The following RBMS3 variants were observed in gnomAD, a reference collection of about 807,000 sequenced individuals.
The protein encoded by RBMS3 is RNA binding motif single stranded interacting protein 3, also known as RNA-binding motif, single-stranded-interacting protein 3.
Under a neutral mutation model 66.8 loss-of-function variants are expected in RBMS3, and 27 were observed. That is an observed-to-expected ratio of 0.40 (90% CI 0.30 to 0.56). The LOEUF (loss-of-function observed/expected upper bound fraction) is 0.56, where lower values mean the gene tolerates loss of function less well. RBMS3 is among the 20% of genes least tolerant of loss of function. The pLI, the probability that RBMS3 is intolerant of heterozygous loss-of-function variation, is 0.40. For synonymous variants in RBMS3, 188 were observed against 183.0 expected (o/e 1.03, Z -0.22); for missense variants, 513 against 549.5 (o/e 0.93, Z 0.66).
intron 1 of RBMS3, among the ~76,000 whole-genome samples, chr3:29,325,474 G>A (rs78317600): frequency 0.13 from 20,303 of 151,592 alleles, 1,439 homozygotes; most frequent in Middle Eastern, 0.16. Flanking sequence ...GTAAGATTCA[G>A]TTGAAAGAAA....
chr3:29,321,749 A>AT (rs1234982830), intron 1 of RBMS3, among the ~76,000 whole-genome samples: 2 of 152,210 alleles, frequency 1.3e-5, no homozygotes, highest in East Asian at 3.9e-4. Context: ...AATGAAAGCA[A>AT]TTTGTACATC....
intron 2 of RBMS3, among the ~76,000 whole-genome samples, chr3:29,483,309 C>CAAAAAAAAAAAA (rs72225547): frequency 1.3e-5 from 1 of 75,584 alleles, no homozygotes; most frequent in African/African-American, 3.9e-5. Context: ...TTCGTCTTAA[C>CAAAAAAAAAAAA]AAAAAAAAAA....
intron 3 of RBMS3, among the ~76,000 whole-genome samples, chr3:29,538,237 T>C (rs2045643051): frequency 6.6e-6 from 1 of 152,222 alleles, no homozygotes; most frequent in Non-Finnish European, 1.5e-5. Flanking sequence ...ATCAAGCACA[T>C]AAACACATTT....
intron 12 of RBMS3, among the ~76,000 whole-genome samples, chr3:29,945,692 A>G (rs1695258401): frequency 6.6e-6 from 1 of 151,760 alleles, no homozygotes; most frequent in Non-Finnish European, 1.5e-5. Flanking sequence ...TTTTACTTTC[A>G]AGAACATAAT....
At chr3:29,756,414 G>A (rs184072618) in intron 5 of RBMS3, among the ~76,000 whole-genome samples, 75 of 152,218 alleles carry the variant, frequency 4.9e-4, no homozygotes, top group African/African-American at 1.7e-3. Flanking sequence ...GATCCACATG[G>A]CTGGTGAGGC....
At chr3:29,714,825 G>A (rs1045726786) in intron 4 of RBMS3, among the ~76,000 whole-genome samples, 1 of 151,928 alleles carries the variant, frequency 6.6e-6, no homozygotes, top group African/African-American at 2.4e-5. Flanking sequence ...TGTTGAATGG[G>A]CTGCTTTAGA....
Position 30,004,185 on chromosome 3 carries a change from G to T in RBMS3, c.*323G>T. 1 of 205,248 alleles carries T rather than the reference G, an allele frequency of 4.9e-6. No homozygotes were observed. The highest frequency in any genetic ancestry group is 9.6e-6 in the Non-Finnish European group (1 of 104,550). The allele number at this position is 205,248 out of a possible 1,614,324, so 12.7% of individuals were successfully genotyped here. On this transcript the variant is annotated 3_prime_UTR_variant, in exon 15 of 15. Coordinates refer to ENST00000383767, the MANE Select transcript of RBMS3 (RefSeq NM_001003793.3). ...TGGAAGAACATTTGAATTGAATTCA[G>T]AATTTTTCTGAAGGTGTAGATACTT...
chr3:29,435,026 A>T (rs1020170877), intron 2 of RBMS3, 111 bp downstream of exon 2: 20 of 1,094,690 alleles, frequency 1.8e-5, no homozygotes, highest in Non-Finnish European at 2.3e-5. Flanking sequence ...AGTGAGGAAG[A>T]CTCTTCTTTA....
intron 4 of RBMS3, among the ~76,000 whole-genome samples, chr3:29,715,049 C>T (rs1414357815): frequency 1.3e-5 from 2 of 152,054 alleles, no homozygotes; most frequent in African/African-American, 4.8e-5. Flanking sequence ...AAGATAATTC[C>T]ATTCTTCTTT....
intron 6 of RBMS3, among the ~76,000 whole-genome samples, chr3:29,783,487 A>T (rs1383763184): frequency 6.6e-6 from 1 of 152,162 alleles, no homozygotes; most frequent in Non-Finnish European, 1.5e-5. Context: ...TTCCAGACAA[A>T]CAAATGCTGA....
chr3:29,540,405 T>C (rs2045714433), intron 3 of RBMS3, among the ~76,000 whole-genome samples: 1 of 152,212 alleles, frequency 6.6e-6, no homozygotes, highest in African/African-American at 2.4e-5. Flanking sequence ...CTCTACTCTA[T>C]AAGGCTCTGT....
At chr3:29,789,739 T>TTTATATTTTACC (rs2056938960) in intron 6 of RBMS3, among the ~76,000 whole-genome samples, 1 of 152,024 alleles carries the variant, frequency 6.6e-6, no homozygotes, top group African/African-American at 2.4e-5. Context: ...AACTTTAAAA[T>TTTATATTTTACC]TTATATTTTA....
chr3:29,457,003 G>A (rs2042213834), intron 2 of RBMS3, among the ~76,000 whole-genome samples: 2 of 152,274 alleles, frequency 1.3e-5, no homozygotes, highest in African/African-American at 4.8e-5. Flanking sequence ...TGGTTATGGT[G>A]AGCCACAGGA....
At position 29,869,026 on chromosome 3, in the gene RBMS3, C is replaced by G. The variant is rs1341761246; in HGVS notation, c.744+62C>G. 69 of 1,362,250 alleles carry G rather than the reference C, an allele frequency of 5.1e-5. 1 individual carries two copies. The highest frequency in any genetic ancestry group is 6.8e-5 in the Non-Finnish European group (68 of 996,512). 84.4% of individuals were successfully genotyped at this position (1,362,250 alleles called of 1,614,324 possible). A position where few individuals can be genotyped will look rare whatever the true frequency, so the allele number is the denominator to read the frequency against. ...GCAGTAGATATCCCTCAGAAGGTGG[C>G]AAGGCAGACGTATGGTGCCATGATG... On this transcript the variant is annotated intron_variant, in intron 7 of 14. Coordinates refer to ENST00000383767, the MANE Select transcript of RBMS3 (RefSeq NM_001003793.3).
At chr3:29,942,850 C>T (rs2061425531) in intron 11 of RBMS3, among the ~76,000 whole-genome samples, 1 of 145,816 alleles carries the variant, frequency 6.9e-6, no homozygotes, top group Non-Finnish European at 1.5e-5. Flanking sequence ...TGTGTGATTG[C>T]AATTTTTCAA....
chr3:29,331,733 T>C (rs1241209399), intron 1 of RBMS3, among the ~76,000 whole-genome samples: 1 of 152,042 alleles, frequency 6.6e-6, no homozygotes, highest in African/African-American at 2.4e-5. Context: ...ACAAGGTTTT[T>C]TTCCAGATTC....
At chr3:29,918,879 T>C (rs2060702304) in intron 10 of RBMS3, among the ~76,000 whole-genome samples, 1 of 152,074 alleles carries the variant, frequency 6.6e-6, no homozygotes, top group African/African-American at 2.4e-5. Context: ...GAACTCTGAA[T>C]CAAACCCAAA....
At chr3:29,857,440 CAG>C (rs1393831152) in intron 6 of RBMS3, among the ~76,000 whole-genome samples, 1 of 136,942 alleles carries the variant, frequency 7.3e-6, no homozygotes, top group African/African-American at 2.7e-5. Flanking sequence ...CACTTGAAAT[CAG>C]AGTTACACCT....
At chr3:29,546,447 G>A (rs182024135) in intron 3 of RBMS3, among the ~76,000 whole-genome samples, 21 of 152,132 alleles carry the variant, frequency 1.4e-4, no homozygotes, top group African/African-American at 5.1e-4. Flanking sequence ...GATGGGATAC[G>A]TACACATGAA....
Sources: gnomAD v4.1 joint callset for allele counts (sites outside exome capture counted in the v4.1 genomes callset) on GRCh38, gnomAD v4.1.1 for gene constraint, MANE v1.5 for transcripts, NCBI Gene and HGNC (gene_info 2026-07-23, HGNC 2026-07-21) for gene names.